The following ATM variants were observed in gnomAD, a reference collection of about 807,000 sequenced individuals.
ATM encodes the protein serine-protein kinase ATM.
ATM carries 308 observed loss-of-function variants against 387.0 expected under a neutral mutation model. The observed-to-expected ratio is 0.80, with a 90% CI of 0.73 to 0.87. The LOEUF is 0.87. Among genes scored for constraint, ATM ranks in the 40% least tolerant of loss-of-function variants. The probability of loss-of-function intolerance (pLI) is 0.00; values close to 1 mark genes in which losing one functional copy is unlikely to be tolerated. For missense variants in ATM, 3,312 were observed against 3,560.9 expected (o/e 0.93, Z 1.78); for synonymous variants, 1,156 against 1,187.3 (o/e 0.97, Z 0.54).
chr11:108,250,241 C>T (rs1282216660), intron 9 of ATM, among the ~76,000 whole-genome samples: 1 of 151,950 alleles, frequency 6.6e-6, no homozygotes, highest in Non-Finnish European at 1.5e-5. Context: ...CAACCTCCAC[C>T]TCCCAGGTTC....
chr11:108,249,386 C>T (rs2080019501), intron 9 of ATM, among the ~76,000 whole-genome samples: 1 of 152,190 alleles, frequency 6.6e-6, no homozygotes, highest in African/African-American at 2.4e-5. Context: ...GTGTGCACCT[C>T]ATGGAATTCA....
At chr11:108,249,284 A>G (rs2080014063) in intron 9 of ATM, among the ~76,000 whole-genome samples, 182 bp downstream of exon 9, 1 of 152,200 alleles carries the variant, frequency 6.6e-6, no homozygotes, top group Admixed American at 6.6e-5. Context: ...TTAATGGCTC[A>G]TTTGCTTGGG....
intron 61 of ATM, among the ~76,000 whole-genome samples, chr11:108,358,405 G>T (rs1286179346): frequency 2.0e-5 from 3 of 149,428 alleles, no homozygotes; most frequent in African/African-American, 5.0e-5. Context: ...CCCCAATCTA[G>T]CAAGGCAGGC....
intron 13 of ATM, among the ~76,000 whole-genome samples, chr11:108,254,879 C>G (rs1033051964): frequency 1.3e-5 from 2 of 152,130 alleles, no homozygotes; most frequent in African/African-American, 4.8e-5. Context: ...AAACTCCTGA[C>G]CTCAGGTGAT....
At chr11:108,317,347 T>C (rs896174309) in intron 42 of ATM, 26 bp from the exon 43 acceptor site, 1 of 1,605,584 alleles carries the variant, frequency 6.2e-7, no homozygotes, top group Non-Finnish European at 8.5e-7. Context: ...ATTACTTAAC[T>C]TAAAAACAAA....
intron 4 of ATM, among the ~76,000 whole-genome samples, chr11:108,231,144 C>G (rs2078993795): frequency 6.6e-6 from 1 of 152,176 alleles, no homozygotes; most frequent in South Asian, 2.1e-4. Flanking sequence ...TGACATTTTA[C>G]TTGCTATGAT....
Position 108,308,049 on chromosome 11 carries a change from AATTTTAACATGATT to A in ATM, c.5762+72_5762+85del, listed in dbSNP as rs1452524606. 26 of 1,421,018 alleles carry A rather than the reference AATTTTAACATGATT, an allele frequency of 1.8e-5. No homozygotes were observed. The East Asian group carries it at 5.3e-4, about 29-fold the overall frequency. 88.0% of individuals were successfully genotyped at this position (1,421,018 alleles called of 1,614,324 possible). ...AGTGTAACTTGTTAACTATCGGCTG[AATTTTAACATGATT>A]ATTTTAGGTGAAGGTGTTGCAAAGT... is the stretch of plus-strand genomic sequence containing the variant. On this transcript the variant is annotated intron_variant, in intron 38 of 62. Coordinates refer to ENST00000675843, the MANE Select transcript of ATM (RefSeq NM_000051.4).
intron 13 of ATM, among the ~76,000 whole-genome samples, chr11:108,255,298 A>G (rs758789618): frequency 3.8e-4 from 58 of 152,158 alleles, no homozygotes; most frequent in Middle Eastern, 3.2e-3. Flanking sequence ...CTTTCATTAC[A>G]AAGTAATTTA....
chr11:108,322,300 G>A (rs886414071), intron 45 of ATM, among the ~76,000 whole-genome samples: 2 of 152,028 alleles, frequency 1.3e-5, no homozygotes, highest in African/African-American at 4.8e-5. Context: ...GATTATAGGT[G>A]CCCCGACAAT....
chr11:108,241,732 T>TTCG (rs894320142), intron 5 of ATM, among the ~76,000 whole-genome samples: 1 of 94,008 alleles, frequency 1.1e-5, no homozygotes, highest in African/African-American at 3.1e-5. Context: ...CTTTCTGTCT[T>TTCG]TCTTTCTTTC....
At chr11:108,292,597 T>C (rs537265031) in intron 29 of ATM, 22 bp from the exon 30 acceptor site, 1 of 1,607,964 alleles carries the variant, frequency 6.2e-7, no homozygotes, top group South Asian at 1.1e-5. Context: ...GTTGTTGTTG[T>C]TTTTTTTTCT....
intron 61 of ATM, among the ~76,000 whole-genome samples, chr11:108,364,836 G>A (rs540226915): frequency 2.5e-4 from 38 of 152,314 alleles, no homozygotes; most frequent in African/African-American, 7.7e-4. Flanking sequence ...ATCCAGTCAG[G>A]AAACATGGGT....
chr11:108,331,693 T>A, intron 51 of ATM, 136 bp downstream of exon 51: 1 of 1,333,616 alleles, frequency 7.5e-7, no homozygotes, highest in Non-Finnish European at 1.0e-6. Context: ...TCACATCACA[T>A]AAGTTACTCA....
chr11:108,230,849 G>A (rs1409926126), intron 4 of ATM: 3 of 152,180 alleles, frequency 2.0e-5, no homozygotes, highest in African/African-American at 7.2e-5. Flanking sequence ...CTATAGGCAT[G>A]GGCCACCATG....
chr11:108,260,808 C>T (rs567853188), intron 16 of ATM, among the ~76,000 whole-genome samples: 21 of 152,316 alleles, frequency 1.4e-4, no homozygotes, highest in South Asian at 8.3e-4. Flanking sequence ...CGAAGCAGGG[C>T]GAGGCATTGC....
intron 31 of ATM, among the ~76,000 whole-genome samples, chr11:108,294,091 G>A (rs1317981475): frequency 6.6e-6 from 1 of 151,638 alleles, no homozygotes; most frequent in Non-Finnish European, 1.5e-5. Context: ...ATGTAAAATA[G>A]TTTTGATTTT....
At chr11:108,230,457 C>T (rs1431149314) in intron 4 of ATM, 1 of 152,072 alleles carries the variant, frequency 6.6e-6, no homozygotes, top group African/African-American at 2.4e-5. Context: ...ACTGCTTCTC[C>T]CTTCTGAGAG....
chr11:108,326,142 G>A lies in ATM; in HGVS notation c.6892G>A (p.Val2298Ile), dbSNP rs1204077610. 3.1e-6 allele frequency: 5 copies of A among 1,614,140 alleles called. No homozygotes were observed. The highest frequency in any genetic ancestry group is 1.6e-4 in the Middle Eastern group (1 of 6,062). ...VSEWQLEEAQ[V>I]FWAKKEQSLA... Reference sequence around the variant, plus strand: ...TGAGTGGCAGCTGGAAGAAGCACAAGTATTCTGGGCAAAAAAGGAGCAGAG... The same window carrying A: ...TGAGTGGCAGCTGGAAGAAGCACAAATATTCTGGGCAAAAAAGGAGCAGAG... The change falls in exon 47 of 63, where the codon GTA becomes ATA. Residue 2298 changes from valine (V) to isoleucine (I), a missense_variant. Physicochemically the swap from Val to Ile is conservative, Grantham distance 29. Transcript: ENST00000675843.
intron 59 of ATM, among the ~76,000 whole-genome samples, chr11:108,348,502 T>G (rs1350620115): frequency 6.6e-6 from 1 of 151,570 alleles, no homozygotes; most frequent in Non-Finnish European, 1.5e-5. Context: ...ATGAATTTAG[T>G]TTTGCTCATT....
Sources: allele counts gnomAD v4.1 joint callset (sites outside exome capture counted in the v4.1 genomes callset), GRCh38; gene constraint gnomAD v4.1.1; transcripts MANE v1.5; gene names NCBI Gene and HGNC (gene_info 2026-07-23, HGNC 2026-07-21).